The following NLRC3 variants were observed in gnomAD, a reference collection of about 807,000 sequenced individuals.
NLRC3 encodes the protein NLR family CARD domain-containing protein 3.
Under a neutral mutation model 91.6 loss-of-function variants are expected in NLRC3, and 87 were observed. The ratio of observed to expected loss-of-function variants is 0.95; its 90% confidence interval spans 0.80 to 1.14. The LOEUF (loss-of-function observed/expected upper bound fraction) is 1.14. NLRC3 is among the 50% of genes most tolerant of loss of function. NLRC3 has a pLI of 0.00. For synonymous variants in NLRC3, 694 were observed against 625.3 expected (o/e 1.11, Z -1.64); for missense variants, 1,577 against 1,418.6 (o/e 1.11, Z -1.79).
At chr16:3,576,913 G>T in intron 1 of NLRC3, among the ~76,000 whole-genome samples, 1 of 152,196 alleles carries the variant, frequency 6.6e-6, no homozygotes, top group African/African-American at 2.4e-5. Flanking sequence ...CAAGTGATCC[G>T]CCCACCTTGG....
chr16:3,553,385 GTA>G (rs2039112840), intron 9 of NLRC3, among the ~76,000 whole-genome samples: 1 of 152,200 alleles, frequency 6.6e-6, no homozygotes, highest in Admixed American at 6.5e-5. Flanking sequence ...ATTAGGCTAG[GTA>G]TCTGGCTTGA....
At chr16:3,565,094 G>A (rs777525696) in intron 3 of NLRC3, 34 bp from the exon 4 acceptor site, 22 of 1,526,372 alleles carry the variant, frequency 1.4e-5, no homozygotes, top group Admixed American at 1.4e-4. Flanking sequence ...GCTGCCTGCC[G>A]TGCCCCCCAT....
chr16:3,549,472 G>A (rs1291922149), intron 12 of NLRC3, among the ~76,000 whole-genome samples: 3 of 152,140 alleles, frequency 2.0e-5, no homozygotes, highest in Non-Finnish European at 2.9e-5. Context: ...CCAGAGGTGC[G>A]AGGGGACAGG....
At chr16:3,557,847 C>T (rs2039421088) in intron 6 of NLRC3, among the ~76,000 whole-genome samples, 171 bp from the exon 7 acceptor site, 1 of 152,216 alleles carries the variant, frequency 6.6e-6, no homozygotes, top group Admixed American at 6.5e-5. Flanking sequence ...AGCAGAGCCC[C>T]TGAGCCTGGG....
chr16:3,558,587 C>T (rs2039462637), intron 6 of NLRC3, among the ~76,000 whole-genome samples: 2 of 149,454 alleles, frequency 1.3e-5, no homozygotes, highest in Admixed American at 6.7e-5. Context: ...AAAAACCACA[C>T]ACACACACAC....
At chr16:3,556,089 G>T (rs1022513501) in intron 8 of NLRC3, among the ~76,000 whole-genome samples, 16 of 150,220 alleles carry the variant, frequency 1.1e-4, no homozygotes, top group African/African-American at 3.9e-4. Context: ...AGCACTTTGG[G>T]AGGCCAAGGC....
chr16:3,556,066 C>G (rs1410566465), intron 8 of NLRC3: 1 of 150,546 alleles, frequency 6.6e-6, no homozygotes, highest in Non-Finnish European at 1.5e-5. Flanking sequence ...CGGTGACTCA[C>G]ACTTGTAATC....
chr16:3,563,140 C>G lies in NLRC3; in HGVS notation c.1797G>C (p.Ala599=). The part of the protein sequence containing the change: ...SGALARLTGP[A]HRAALAYLLQ... Reference sequence around the variant, plus strand: ...GGAGGTAGGCCAGGGCAGCGCGGTGCGCGGGACCAGTCAGCCTGGCCAGGG... The same window carrying G: ...GGAGGTAGGCCAGGGCAGCGCGGTGGGCGGGACCAGTCAGCCTGGCCAGGG... The change falls in exon 5 of 20, where the codon GCG becomes GCC. Residue 599 remains alanine (A), a synonymous_variant. Transcript: ENST00000359128. 1.3e-6 allele frequency: 2 copies of G among 1,586,052 alleles called. No homozygotes were observed. Among genetic ancestry groups the G allele is most frequent in the Non-Finnish European group, 8.6e-7 (1 of 1,167,846 alleles).
intron 1 of NLRC3, among the ~76,000 whole-genome samples, chr16:3,569,040 G>A (rs538362093): frequency 5.3e-5 from 8 of 152,116 alleles, no homozygotes; most frequent in South Asian, 2.1e-4. Context: ...AAGGCTGGGC[G>A]TGGTGGCTCA....
rs1162811236 is a variant in NLRC3 at position 3,563,232 on chromosome 16, G to A, written c.1705C>T (p.His569Tyr). 1.2e-6 allele frequency: 2 copies of A among 1,604,600 alleles called. No homozygotes were observed. Among genetic ancestry groups the A allele is most frequent in the African/African-American group, 1.3e-5 (1 of 74,856 alleles). The change falls in exon 5 of 20, where the codon CAC becomes TAC. Residue 569 changes from histidine (H) to tyrosine (Y), a missense_variant. By Grantham distance (83) the His-to-Tyr change is moderately conservative. Transcript: ENST00000359128. ...AVCARAINVL[H>Y]CLHELQHTEL... The stretch of plus-strand genomic sequence containing the variant: ...GTGTGCTGCAGCTCATGCAGGCAGT[G>A]CAACACGTTGATGGCCCGTGCACAG...
intron 19 of NLRC3, 100 bp from the exon 20 acceptor site, chr16:3,542,015 T>G: frequency 2.4e-6 from 2 of 829,412 alleles, no homozygotes; most frequent in Non-Finnish European, 4.1e-6. Flanking sequence ...AAAGCCTTTG[T>G]GCTTCTAGGA....
At chr16:3,570,249 G>A (rs1486421126) in intron 1 of NLRC3, among the ~76,000 whole-genome samples, 1 of 152,104 alleles carries the variant, frequency 6.6e-6, no homozygotes, top group African/African-American at 2.4e-5. Flanking sequence ...GAGATTACAG[G>A]TGTGAGCTGC....
chr16:3,546,001 G>A (rs942036840), intron 15 of NLRC3, among the ~76,000 whole-genome samples: 1 of 152,192 alleles, frequency 6.6e-6, no homozygotes, highest in East Asian at 1.9e-4. Flanking sequence ...GGATGGAGGT[G>A]AGTGGTGCCG....
chr16:3,549,167 C>T lies in NLRC3; in HGVS notation c.2578G>A (p.Ala860Thr), dbSNP rs1363694130. ...TCCAGGTTCTTCAGGGTGCTGTTGG[C>T]GCAGAGGGCATGAGCGATGGCCTGG... ...GAQAIAHALC[A>T]NSTLKNLDLT... Residue 860 changes from alanine (A) to threonine (T), a missense_variant, in exon 13 of 20, where the codon GCC becomes ACC. Transcript: ENST00000359128. The T allele has an allele frequency of 9.5e-6, 15 of 1,584,032 alleles. No individual in the cohort carries two copies. Among genetic ancestry groups the T allele is most frequent in the East Asian group, 4.6e-5 (2 of 43,634 alleles).
At chr16:3,570,404 A>T (rs1279961522) in intron 1 of NLRC3, among the ~76,000 whole-genome samples, 1 of 152,220 alleles carries the variant, frequency 6.6e-6, no homozygotes, top group Non-Finnish European at 1.5e-5. Context: ...TGTATGTTCT[A>T]GGCCCTGGGG....
chr16:3,550,437 C>T lies in NLRC3; in HGVS notation c.2412G>A (p.Val804=), dbSNP rs2038933657. The change falls in exon 11 of 20, where the codon GTG becomes GTA. Residue 804 remains valine, a synonymous_variant. Transcript: ENST00000359128. ...ACTCCAGGCTCTCCAGGCCCTGGTTCACCTTCAGGGCCTCAGCCAGGGCCT... is the reference window on the plus strand; with the variant it reads ...ACTCCAGGCTCTCCAGGCCCTGGTTTACCTTCAGGGCCTCAGCCAGGGCCT... The part of the protein sequence containing the change: ...GAKALAEALK[V]NQGLESLDLQ... 1.2e-6 allele frequency: 2 copies of T among 1,612,216 alleles called. No individual in the cohort carries two copies. The highest frequency in any genetic ancestry group is 4.5e-5 in the East Asian group (2 of 44,866).
At chr16:3,544,495 G>A (rs949949343) in intron 15 of NLRC3, 166 bp from the exon 16 acceptor site, 27 of 610,358 alleles carry the variant, frequency 4.4e-5, no homozygotes, top group African/African-American at 1.8e-4. Flanking sequence ...GCAGCCCGCC[G>A]CCTCATACTA....
chr16:3,542,579 T>C, intron 18 of NLRC3, 113 bp downstream of exon 18: 2 of 683,568 alleles, frequency 2.9e-6, no homozygotes, highest in Non-Finnish European at 5.2e-6. Context: ...TGATTGTTTA[T>C]ATTCAGAAGG....
In NLRC3 at chr16:3,541,567, C is replaced by G; in HGVS notation, c.*258G>C. 3.9e-6 allele frequency: 2 copies of G among 510,756 alleles called. No homozygotes were observed. Among genetic ancestry groups the G allele is most frequent in the Non-Finnish European group, 7.0e-6 (2 of 284,364 alleles). 31.6% of individuals were successfully genotyped at this position (510,756 alleles called of 1,614,324 possible). Reference sequence around the variant, plus strand: ...CTGCTCAGCTTTCAGGCCTTTGGCCCCTAGTCCCTTGGGGGTGGCCCCTCC... The same window carrying G: ...CTGCTCAGCTTTCAGGCCTTTGGCCGCTAGTCCCTTGGGGGTGGCCCCTCC... On this transcript the variant is annotated 3_prime_UTR_variant, in exon 20 of 20. Transcript: ENST00000359128.
Sources: allele counts gnomAD v4.1 joint callset (sites outside exome capture counted in the v4.1 genomes callset), GRCh38; gene constraint gnomAD v4.1.1; transcripts MANE v1.5; gene names NCBI Gene and HGNC (gene_info 2026-07-23, HGNC 2026-07-21).